The following MRPL37 variants were observed in gnomAD, a reference collection of about 807,000 sequenced individuals.
MRPL37 encodes the protein mitochondrial ribosomal protein L37.
In MRPL37, 34 loss-of-function variants were observed where a neutral mutation model predicts 44.1. The ratio of observed to expected loss-of-function variants is 0.77; its 90% CI spans 0.59 to 1.03. MRPL37 has a LOEUF of 1.03. Among genes scored for constraint, MRPL37 ranks in the 50% least tolerant of loss-of-function variants. MRPL37 has a pLI of 0.00. For missense variants in MRPL37, 532 were observed against 543.7 expected (o/e 0.98, Z 0.21); for synonymous variants, 212 against 219.5 (o/e 0.97, Z 0.30).
intron 2 of MRPL37, 35 bp downstream of exon 2, chr1:54,205,236 A>G (rs1644112833): frequency 6.2e-7 from 1 of 1,608,048 alleles, no homozygotes; most frequent in Non-Finnish European, 8.5e-7. Context: ...TTTCCTACTA[A>G]TGGATCTTCG....
At chr1:54,206,905 T>TTGTGTG (rs56169941) in intron 3 of MRPL37, among the ~76,000 whole-genome samples, 1 of 150,160 alleles carries the variant, frequency 6.7e-6, no homozygotes, top group South Asian at 2.1e-4. Flanking sequence ...CAGCTAATTT[T>TTGTGTG]TGTGTGTGTG....
intron 4 of MRPL37, among the ~76,000 whole-genome samples, chr1:54,210,699 A>G (rs371205678): frequency 3.9e-5 from 6 of 152,176 alleles, no homozygotes; most frequent in African/African-American, 1.2e-4. Context: ...CATGAGCTGT[A>G]GCATCTTCCT....
downstream of MRPL37, among the ~76,000 whole-genome samples, chr1:54,224,122 C>T (rs1258125282): frequency 6.6e-6 from 1 of 152,210 alleles, no homozygotes; most frequent in African/African-American, 2.4e-5. Flanking sequence ...GCACAGGTAT[C>T]GGATGGATAT....
At position 54,205,406 on chromosome 1, in the gene MRPL37, C is replaced by T; in HGVS notation, c.642C>T (p.Asn214=). ...VQNSTFSATW[N]RESLLLQVRG... Reference sequence around the variant, plus strand: ...ACTCCACGTTTTCTGCTACCTGGAACCGAGGTTGGTCATCTTGTACACCAG... The same window carrying T: ...ACTCCACGTTTTCTGCTACCTGGAATCGAGGTTGGTCATCTTGTACACCAG... The change falls in exon 3 of 7, where the codon AAC becomes AAT. Residue 214 remains asparagine, a synonymous_variant. Transcript: ENST00000360840. 1.2e-6 allele frequency: 2 copies of T among 1,612,996 alleles called. No individual in the cohort carries two copies. The highest frequency in any genetic ancestry group is 1.7e-6 in the Non-Finnish European group (2 of 1,179,156).
downstream of MRPL37, among the ~76,000 whole-genome samples, chr1:54,224,928 C>T (rs1415705704): frequency 4.2e-5 from 6 of 143,850 alleles, no homozygotes; most frequent in African/African-American, 1.3e-4. Context: ...CCCAGTACAC[C>T]TTGGAGGTTT....
At chr1:54,223,219 G>A (rs1644247970), downstream of MRPL37, among the ~76,000 whole-genome samples, 1 of 152,206 alleles carries the variant, frequency 6.6e-6, no homozygotes, top group African/African-American at 2.4e-5. Context: ...GCCCAGGGCT[G>A]GGCAGAGCAA....
intron 5 of MRPL37, among the ~76,000 whole-genome samples, chr1:54,213,923 C>G (rs1003541796): frequency 6.6e-6 from 1 of 151,992 alleles, no homozygotes; most frequent in Admixed American, 6.5e-5. Context: ...TGGTGCATAC[C>G]TGTAATCCCA....
Position 54,200,536 on chromosome 1 carries a change from T to C in MRPL37, c.293T>C (p.Leu98Pro), listed in dbSNP as rs756659431. Residue 98 changes from leucine (L) to proline (P), a missense_variant, in exon 1 of 7, where the codon CTG becomes CCG. Physicochemically the swap from Leu to Pro is moderately conservative, Grantham distance 98. Transcript: ENST00000360840. ...TCGCCCCCTCTTCACGAGCATCCGC[T>C]GTACAAAGACCAGGCCTGCTATATC... ...YRSPPLHEHP[L>P]YKDQACYIFH... is the part of the protein sequence containing the mutation. 2 of 1,613,716 alleles carry C rather than the reference T, an allele frequency of 1.2e-6. No homozygotes were observed. Among genetic ancestry groups the C allele is most frequent in the African/African-American group, 2.7e-5 (2 of 74,934 alleles).
At chr1:54,214,686 C>A (rs536801369) in intron 5 of MRPL37, among the ~76,000 whole-genome samples, 4 of 152,182 alleles carry the variant, frequency 2.6e-5, no homozygotes, top group Non-Finnish European at 4.4e-5. Flanking sequence ...AATTACCACC[C>A]AGTTGGGTAG....
At chr1:54,224,576 T>C (rs1376875733), downstream of MRPL37, among the ~76,000 whole-genome samples, 1 of 152,190 alleles carries the variant, frequency 6.6e-6, no homozygotes, top group East Asian at 1.9e-4. Flanking sequence ...ACCTGGGAAT[T>C]TGCTATCTGG....
At chr1:54,203,510 G>C (rs1644099615) in intron 1 of MRPL37, among the ~76,000 whole-genome samples, 1 of 112,738 alleles carries the variant, frequency 8.9e-6, no homozygotes, top group Non-Finnish European at 1.7e-5. Context: ...GTCTTGCTCT[G>C]TTGCCCTAGC....
chr1:54,205,164 C>T lies in MRPL37; in HGVS notation c.493C>T (p.Gln165Ter), dbSNP rs776544889. 1 of 1,614,080 alleles carries T rather than the reference C, an allele frequency of 6.2e-7. No homozygotes were observed. Among genetic ancestry groups the T allele is most frequent in the Non-Finnish European group, 8.5e-7 (1 of 1,179,994 alleles). The change falls in exon 2 of 7, where the codon CAG becomes TAG. Residue 165 changes from glutamine (Q) to a stop codon, truncating the protein, a stop_gained. Coordinates refer to ENST00000360840, the MANE Select transcript of MRPL37 (RefSeq NM_016491.4). LOFTEE classifies it high-confidence loss of function. ...LNVISHARLW[Q>*]TTEEIPKRET... Reference sequence around the variant, plus strand: ...TGTGATCTCTCACGCCCGTCTCTGGCAGACCACTGAGGAAATCCCCAAGAG... The same window carrying T: ...TGTGATCTCTCACGCCCGTCTCTGGTAGACCACTGAGGAAATCCCCAAGAG...
chr1:54,215,575 C>T (rs1375436322), intron 5 of MRPL37, among the ~76,000 whole-genome samples: 2 of 152,268 alleles, frequency 1.3e-5, no homozygotes, highest in Admixed American at 1.3e-4. Context: ...CTGCCAGGCC[C>T]TTAGAAGCAA....
At chr1:54,206,795 A>C (rs114178137) in intron 3 of MRPL37, among the ~76,000 whole-genome samples, 1 of 146,582 alleles carries the variant, frequency 6.8e-6, no homozygotes, top group Non-Finnish European at 1.5e-5. Context: ...GCTGGAGTGC[A>C]GTGGCGTCAG....
downstream of MRPL37, among the ~76,000 whole-genome samples, chr1:54,223,735 C>T (rs1485729600): frequency 1.3e-5 from 2 of 152,196 alleles, no homozygotes; most frequent in African/African-American, 4.8e-5. Context: ...CCCCCGACTC[C>T]GGCACCTCTC....
intron 5 of MRPL37, 27 bp from the exon 6 acceptor site, chr1:54,216,114 G>A: frequency 6.2e-7 from 1 of 1,613,690 alleles, no homozygotes; most frequent in South Asian, 1.1e-5. Flanking sequence ...CTTCTGATTT[G>A]TTTTCCTTGT....
downstream of MRPL37, chr1:54,225,030 G>C: frequency 8.5e-7 from 1 of 1,180,932 alleles, no homozygotes; most frequent in South Asian, 4.3e-5. Flanking sequence ...TCCCACCCGA[G>C]GGGAGAAAGC....
intron 5 of MRPL37, 97 bp from the exon 6 acceptor site, chr1:54,216,044 G>A: frequency 7.9e-7 from 1 of 1,260,082 alleles, no homozygotes; most frequent in Non-Finnish European, 1.1e-6. Flanking sequence ...GACGTAGGTG[G>A]ACGTTGTAAA....
downstream of MRPL37, among the ~76,000 whole-genome samples, chr1:54,221,975 G>A (rs955228189): frequency 3.9e-5 from 6 of 152,210 alleles, no homozygotes; most frequent in African/African-American, 1.2e-4. Flanking sequence ...TGGATTGGCA[G>A]TAGCAGGTAC....
Sources: allele counts gnomAD v4.1 joint callset (sites outside exome capture counted in the v4.1 genomes callset), GRCh38; gene constraint gnomAD v4.1.1; transcripts MANE v1.5; gene names NCBI Gene and HGNC (gene_info 2026-07-23, HGNC 2026-07-21).